Variants in ADAMTSL1 observed in about 807,000 individuals in gnomAD.
ADAMTSL1 encodes ADAMTS like 1.
Under a neutral mutation model 201.8 loss-of-function variants are expected in ADAMTSL1, and 126 were observed. The ratio of observed to expected loss-of-function variants is 0.62; its 90% CI spans 0.54 to 0.72. The LOEUF is 0.72. Ranked by LOEUF, ADAMTSL1 falls within the 30% of genes least tolerant of loss-of-function variation. The probability of loss-of-function intolerance (pLI) is 0.00; values close to 1 mark genes in which losing one functional copy is unlikely to be tolerated. For missense variants in ADAMTSL1, 2,679 were observed against 2,277.8 expected (o/e 1.18, Z -3.59); for synonymous variants, 1,121 against 903.4 (o/e 1.24, Z -4.32).
intron 1 of ADAMTSL1, among the ~76,000 whole-genome samples, chr9:18,006,945 G>T (rs780892477): frequency 1.3e-5 from 2 of 151,966 alleles, no homozygotes; most frequent in African/African-American, 4.8e-5. Flanking sequence ...CTGGAACAGG[G>T]CATCATCTTA....
rs564524678 is a variant in ADAMTSL1 at position 18,583,659 on chromosome 9, A to G, written c.474+9393A>G. On this transcript the variant is annotated intron_variant, in intron 4 of 28. Coordinates refer to ENST00000380548, the MANE Select transcript of ADAMTSL1 (RefSeq NM_001040272.6). ...GGATAAGCTGCAGTCACTCAACACC[A>G]GCCAGTAAAAGCAGCCGGGAAGGAG... Among the ~76,000 whole-genome samples, 11 of 152,292 alleles carry G rather than the reference A, an allele frequency of 7.2e-5. No individual in the cohort carries two copies. The South Asian group carries it at 2.1e-3, about 29-fold the overall frequency.
At chr9:18,026,760 G>T (rs1013900030) in intron 1 of ADAMTSL1, among the ~76,000 whole-genome samples, 6 of 152,028 alleles carry the variant, frequency 3.9e-5, no homozygotes, top group Non-Finnish European at 7.4e-5. Context: ...CAATTTTTGG[G>T]AATAGTTTCA....
intron 20 of ADAMTSL1, among the ~76,000 whole-genome samples, chr9:18,798,094 G>A (rs4977439): frequency 0.15 from 20,903 of 143,636 alleles, 1,673 homozygotes; most frequent in Non-Finnish European, 0.19. Flanking sequence ...AGGCCAAAGA[G>A]GAAAAAAAAA....
chr9:18,615,173 AG>A (rs1564090869), intron 4 of ADAMTSL1, among the ~76,000 whole-genome samples: 1 of 152,218 alleles, frequency 6.6e-6, no homozygotes, highest in Non-Finnish European at 1.5e-5. Flanking sequence ...GAATTACTGG[AG>A]ATTCTATTTT....
chr9:18,016,762 T>C (rs1312372369), intron 1 of ADAMTSL1, among the ~76,000 whole-genome samples: 2 of 152,028 alleles, frequency 1.3e-5, no homozygotes, highest in African/African-American at 2.4e-5. Context: ...AAAATTTAAC[T>C]TCAAATTGGT....
At chr9:18,346,099 C>T (rs1835702201) in intron 2 of ADAMTSL1, among the ~76,000 whole-genome samples, 1 of 152,178 alleles carries the variant, frequency 6.6e-6, no homozygotes, top group Non-Finnish European at 1.5e-5. Flanking sequence ...ATCCATTAGC[C>T]TTCTGTTTCC....
chr9:18,361,934 A>C (rs1836539667), intron 2 of ADAMTSL1: 1 of 152,208 alleles, frequency 6.6e-6, no homozygotes. Context: ...TGTTTGGGAC[A>C]GAAGGGGAGC....
Position 18,622,302 on chromosome 9 carries a change from C to T in ADAMTSL1, c.534C>T (p.Cys178=). ...STVKEDNCGV[C]NGDGSTCRLV... ...TCAAGGAAGATAACTGTGGGGTCTG[C>T]AACGGAGATGGGTCCACCTGCCGGC... Residue 178 remains cysteine, a synonymous_variant, in exon 5 of 29, where the codon TGC becomes TGT. Transcript: ENST00000380548. The T allele has an allele frequency of 6.2e-7, 1 of 1,614,028 alleles. No individual in the cohort carries two copies. The highest frequency in any genetic ancestry group is 8.5e-7 in the Non-Finnish European group (1 of 1,179,944).
intron 2 of ADAMTSL1, among the ~76,000 whole-genome samples, chr9:18,528,569 G>A (rs987777149): frequency 6.6e-6 from 1 of 152,056 alleles, no homozygotes; most frequent in African/African-American, 2.4e-5. Context: ...AGTATTCCAT[G>A]GTGTATATGG....
chr9:18,430,596 C>T (rs1295687425), intron 2 of ADAMTSL1, among the ~76,000 whole-genome samples: 1 of 152,274 alleles, frequency 6.6e-6, no homozygotes, highest in African/African-American at 2.4e-5. Flanking sequence ...CCTGGGATCT[C>T]ATCCCAAACT....
chr9:18,221,069 C>T (rs1326669718), intron 2 of ADAMTSL1, among the ~76,000 whole-genome samples: 1 of 152,110 alleles, frequency 6.6e-6, no homozygotes, highest in East Asian at 1.9e-4. Context: ...GTCGCCATGC[C>T]CAGCCCGTTA....
At chr9:18,868,169 T>C (rs985154355) in intron 23 of ADAMTSL1, among the ~76,000 whole-genome samples, 22 of 152,216 alleles carry the variant, frequency 1.4e-4, no homozygotes, top group African/African-American at 4.8e-4. Flanking sequence ...AGAAGTCCAA[T>C]TGATTTTTTA....
Position 18,406,588 on chromosome 9 carries a change from C to G in ADAMTSL1, c.208-98241C>G, listed in dbSNP as rs181237870. 2.0e-3 allele frequency among the ~76,000 whole-genome samples: 309 copies of G among 152,258 alleles called. 2 individuals are homozygous for G. The highest frequency in any genetic ancestry group is 7.2e-3 in the African/African-American group (301 of 41,546). On this transcript the variant is annotated intron_variant, in intron 2 of 29. Coordinates refer to the ADAMTSL1 transcript ENST00000680146. The stretch of plus-strand genomic sequence containing the variant: ...TCAACTGATCTGCCTGCCTTGAACT[C>G]TCAAAATTCTAGGATTACAGGCGTG...
At chr9:17,954,767 G>A (rs1416643932) in intron 1 of ADAMTSL1, among the ~76,000 whole-genome samples, 1 of 151,860 alleles carries the variant, frequency 6.6e-6, no homozygotes, top group Non-Finnish European at 1.5e-5. Flanking sequence ...CTAGAAAGGG[G>A]AAAAAAAATT....
At chr9:18,648,429 TA>T (rs1482413941) in intron 7 of ADAMTSL1, among the ~76,000 whole-genome samples, 1 of 152,162 alleles carries the variant, frequency 6.6e-6, no homozygotes, top group Admixed American at 6.5e-5. Context: ...ATCCTGTCAT[TA>T]TGATGTTAGC....
intron 1 of ADAMTSL1, among the ~76,000 whole-genome samples, chr9:17,988,030 T>G (rs1818996738): frequency 6.6e-6 from 1 of 152,086 alleles, no homozygotes; most frequent in Admixed American, 6.6e-5. Flanking sequence ...CACTCTTAAT[T>G]TAGTTCTGTG....
At chr9:18,513,778 C>T (rs940811482) in intron 2 of ADAMTSL1, among the ~76,000 whole-genome samples, 1 of 152,148 alleles carries the variant, frequency 6.6e-6, no homozygotes, top group South Asian at 2.1e-4. Context: ...GATCAGTTGA[C>T]TGTGTATGTG....
chr9:18,847,586 G>A (rs1287907696), intron 23 of ADAMTSL1, among the ~76,000 whole-genome samples: 1 of 151,968 alleles, frequency 6.6e-6, no homozygotes, highest in Non-Finnish European at 1.5e-5. Flanking sequence ...AGGCCAGAGA[G>A]GGCTCACTGA....
chr9:18,844,475 G>A (rs542118272), intron 23 of ADAMTSL1, among the ~76,000 whole-genome samples: 19 of 152,278 alleles, frequency 1.2e-4, no homozygotes, highest in South Asian at 8.3e-4. Flanking sequence ...TAGGCTGCTC[G>A]GGGGTCAGGG....
Sources: gnomAD v4.1 joint callset for allele counts (sites outside exome capture counted in the v4.1 genomes callset) on GRCh38, gnomAD v4.1.1 for gene constraint, MANE v1.5 for transcripts, NCBI Gene and HGNC (gene_info 2026-07-23, HGNC 2026-07-21) for gene names.